Variants in TTC27 observed in about 807,000 individuals in gnomAD.
TTC27 encodes the protein tetratricopeptide repeat protein 27.
A neutral mutation model predicts 115.9 loss-of-function variants in TTC27; 79 were observed. That is an observed-to-expected ratio of 0.68 (90% CI 0.57 to 0.82). The LOEUF (loss-of-function observed/expected upper bound fraction) is 0.82, where lower values mean the gene tolerates loss of function less well. Ranked by LOEUF, TTC27 falls within the 40% of genes least tolerant of loss-of-function variation. The pLI, the probability that TTC27 is intolerant of heterozygous loss-of-function variation, is 0.00. For synonymous variants in TTC27, 401 were observed against 356.0 expected, an observed-to-expected ratio of 1.13 and a Z score of -1.42; for missense variants, 1,054 against 993.1, an observed-to-expected ratio of 1.06 and a Z score of -0.82.
chr2:32,732,628 T>C (rs764829818), intron 10 of TTC27, among the ~76,000 whole-genome samples: 1 of 152,206 alleles, frequency 6.6e-6, no homozygotes, highest in South Asian at 2.1e-4. Context: ...AAAATTAATT[T>C]TGTAAAAATT....
intron 4 of TTC27, among the ~76,000 whole-genome samples, chr2:32,643,582 C>T (rs1389774866): frequency 2.0e-5 from 3 of 151,870 alleles, no homozygotes; most frequent in African/African-American, 4.8e-5. Context: ...GCTAGGATTA[C>T]AGGCGTGAGC....
At chr2:32,728,142 A>G (rs911820788) in intron 10 of TTC27, among the ~76,000 whole-genome samples, 1 of 147,292 alleles carries the variant, frequency 6.8e-6, no homozygotes, top group African/African-American at 2.5e-5. Context: ...CCGGGTTCAC[A>G]CCATTCTCCT....
At chr2:32,775,267 A>G (rs1193435409) in intron 13 of TTC27, among the ~76,000 whole-genome samples, 1 of 152,120 alleles carries the variant, frequency 6.6e-6, no homozygotes, top group African/African-American at 2.4e-5. Flanking sequence ...GCGCCATCTC[A>G]GCTCACTGCA....
Position 32,748,078 on chromosome 2 carries a change from A to G in TTC27, c.1453-10214A>G, listed in dbSNP as rs1230200906. On this transcript the variant is annotated intron_variant, in intron 12 of 19. Transcript: ENST00000317907. Reference sequence around the variant, plus strand: ...TATTGATTTGAGAACTTTTTTTTCAATATAGGCATTTATAGGTATAAATTT... The same window carrying G: ...TATTGATTTGAGAACTTTTTTTTCAGTATAGGCATTTATAGGTATAAATTT... Among the ~76,000 whole-genome samples, 7 of 151,902 alleles carry G rather than the reference A, an allele frequency of 4.6e-5. No individual in the cohort carries two copies. In the East Asian group the frequency reaches 5.8e-4, roughly 13 times the overall value.
intron 13 of TTC27, among the ~76,000 whole-genome samples, chr2:32,775,489 T>C (rs115927974): frequency 0.012 from 1,756 of 152,266 alleles, 34 homozygotes; most frequent in African/African-American, 0.039. Context: ...TGAGCCACTT[T>C]GCCCGGCCAC....
At position 32,741,682 on chromosome 2, in the gene TTC27, C is replaced by CAACAAA. The variant is rs1553313973; in HGVS notation, c.1452+4868_1452+4869insCAAAAA. Among the ~76,000 whole-genome samples, 1,242 of 151,134 alleles carry CAACAAA rather than the reference C, an allele frequency of 8.2e-3. 17 individuals carry two copies. The highest frequency in any genetic ancestry group is 8.1e-3 in the Non-Finnish European group (549 of 67,720). On this transcript the variant is annotated intron_variant, in intron 12 of 19. Transcript: ENST00000317907. ...ACAAAAAACAAAACAACAACAACAA[C>CAACAAA]AAAAAAACAGCTGTTGCCCCAGAAC...
In TTC27 at chr2:32,630,691, C is replaced by G; in HGVS notation, c.257C>G (p.Thr86Arg). 2 of 1,600,192 alleles carry G rather than the reference C, an allele frequency of 1.2e-6. No homozygotes were observed. Among genetic ancestry groups the G allele is most frequent in the Non-Finnish European group, 1.7e-6 (2 of 1,175,554 alleles). Residue 86 changes from threonine (T) to arginine (R), a missense_variant, in exon 2 of 20, where the codon ACA becomes AGA. Thr to Arg is a moderately conservative substitution (Grantham distance 71). Transcript: ENST00000317907. Reference protein sequence around the residue: ...TFLDYSTDLDTTERQQLIFLL... With the variant: ...TFLDYSTDLDRTERQQLIFLL... ...CTGGATTACTCAACAGATTTGGACA[C>G]AACGGAAAGGTAGAATTTTATTTGA...
chr2:32,670,255 A>T (rs928253954), intron 7 of TTC27, among the ~76,000 whole-genome samples: 1 of 152,126 alleles, frequency 6.6e-6, no homozygotes, highest in Non-Finnish European at 1.5e-5. Context: ...ACCCAAGATT[A>T]TTGAGGAATA....
At chr2:32,724,427 G>A (rs1668041617) in intron 10 of TTC27, among the ~76,000 whole-genome samples, 1 of 152,136 alleles carries the variant, frequency 6.6e-6, no homozygotes, top group South Asian at 2.1e-4. Context: ...AATCAAGGTG[G>A]GGCACCAGAC....
chr2:32,650,012 T>A, intron 4 of TTC27, 119 bp from the exon 5 acceptor site: 1 of 781,218 alleles, frequency 1.3e-6, no homozygotes, highest in Non-Finnish European at 2.1e-6. Context: ...GGATGGGTAA[T>A]CTTATTGAGG....
In TTC27 at chr2:32,685,015, CTT is replaced by C. The variant is rs70938361; in HGVS notation, c.1119+6114_1119+6115del. Among the ~76,000 whole-genome samples, 23 of 116,310 alleles carry C rather than the reference CTT, an allele frequency of 2.0e-4. No homozygotes were observed. In the South Asian group the frequency reaches 2.1e-3, roughly 11 times the overall value. The allele number at this position is 116,310 out of a possible 152,430, so 76.3% of individuals were successfully genotyped here. A position where few individuals can be genotyped will look rare whatever the true frequency, so the allele number is the denominator to read the frequency against. On this transcript the variant is annotated intron_variant, in intron 9 of 19. Coordinates refer to ENST00000317907, the MANE Select transcript of TTC27 (RefSeq NM_017735.5). ...ACTAATTGCTCTGCTTTGCCTTTTC[CTT>C]TTTTTTTTTTTTTTTTTTTTAATTT...
chr2:32,703,360 G>A (rs1033590918), intron 10 of TTC27, among the ~76,000 whole-genome samples: 38 of 152,242 alleles, frequency 2.5e-4, no homozygotes, highest in African/African-American at 8.2e-4. Flanking sequence ...CCAGCCACTC[G>A]GGAGGCTGAG....
intron 9 of TTC27, among the ~76,000 whole-genome samples, chr2:32,685,003 C>G (rs1277065859): frequency 2.1e-5 from 3 of 142,030 alleles, no homozygotes; most frequent in Non-Finnish European, 3.1e-5. Flanking sequence ...AATTGCTCTG[C>G]TTTGCCTTTT....
chr2:32,703,081 C>T lies in TTC27; in HGVS notation c.1233+161C>T, dbSNP rs1033208373. Among the ~76,000 whole-genome samples the T allele has an allele frequency of 2.2e-4, 33 of 152,176 alleles. 1 individual carries two copies. The highest frequency in any genetic ancestry group is 1.2e-4 in the Non-Finnish European group (8 of 68,036). The stretch of plus-strand genomic sequence containing the variant: ...GTTCTATAATTTAACTTCTTGGTTC[C>T]AAAGCCCAGCTCTGTGACTTAGCAG... On this transcript the variant is annotated intron_variant, in intron 10 of 19. Coordinates refer to ENST00000317907, the MANE Select transcript of TTC27 (RefSeq NM_017735.5).
chr2:32,729,858 C>T (rs527589779), intron 10 of TTC27, among the ~76,000 whole-genome samples: 9 of 152,200 alleles, frequency 5.9e-5, no homozygotes, highest in African/African-American at 1.9e-4. Flanking sequence ...TCCTTAAAGA[C>T]CACCTCCTCA....
chr2:32,709,740 G>A (rs1431361106), intron 10 of TTC27, among the ~76,000 whole-genome samples: 2 of 152,112 alleles, frequency 1.3e-5, no homozygotes, highest in Admixed American at 1.3e-4. Context: ...TGCTGAAAAA[G>A]CTGATAGTCC....
chr2:32,715,133 A>G (rs1272344438), intron 10 of TTC27, among the ~76,000 whole-genome samples: 2 of 152,162 alleles, frequency 1.3e-5, no homozygotes, highest in African/African-American at 2.4e-5. Context: ...CATCTTCATC[A>G]TGGAATCTTT....
intron 8 of TTC27, among the ~76,000 whole-genome samples, chr2:32,675,206 G>A (rs1327267655): frequency 6.6e-6 from 1 of 152,170 alleles, no homozygotes; most frequent in Non-Finnish European, 1.5e-5. Flanking sequence ...GAATTACAGA[G>A]TGGCAATTAG....
At chr2:32,658,249 A>G (rs1665409921) in intron 5 of TTC27, among the ~76,000 whole-genome samples, 2 of 152,154 alleles carry the variant, frequency 1.3e-5, no homozygotes, top group African/African-American at 2.4e-5. Flanking sequence ...CGTCCTCTCC[A>G]GTATCTGGGA....
Sources: gnomAD v4.1 joint callset for allele counts (sites outside exome capture counted in the v4.1 genomes callset) on GRCh38, gnomAD v4.1.1 for gene constraint, MANE v1.5 for transcripts, NCBI Gene and HGNC (gene_info 2026-07-23, HGNC 2026-07-21) for gene names.